Variants in FGF12 observed in about 807,000 individuals in gnomAD.
FGF12 encodes the protein fibroblast growth factor 12.
FGF12 carries 14 observed loss-of-function variants against 23.6 expected under a neutral mutation model. The ratio of observed to expected loss-of-function variants is 0.59; its 90% CI spans 0.39 to 0.93. FGF12 has a LOEUF of 0.93. Among genes scored for constraint, FGF12 ranks in the 40% least tolerant of loss-of-function variants. The probability of loss-of-function intolerance (pLI) is 0.00; values close to 1 mark genes in which losing one functional copy is unlikely to be tolerated. For missense variants in FGF12, 175 were observed against 217.8 expected (o/e 0.80, Z 1.24); for synonymous variants, 62 against 77.3 (o/e 0.80, Z 1.04).
intron 4 of FGF12, among the ~76,000 whole-genome samples, chr3:192,236,565 T>C (rs1001245265): frequency 6.6e-6 from 1 of 152,230 alleles, no homozygotes; most frequent in East Asian, 1.9e-4. Flanking sequence ...ATATTTAGTA[T>C]AGTTTTCATG....
intron 2 of FGF12, among the ~76,000 whole-genome samples, chr3:192,371,283 G>T (rs1294436094): frequency 1.3e-5 from 2 of 152,206 alleles, no homozygotes; most frequent in African/African-American, 4.8e-5. Context: ...GGAAAGTCGC[G>T]TGGCAGCACA....
At chr3:192,310,656 G>A (rs1715885387) in intron 4 of FGF12, among the ~76,000 whole-genome samples, 1 of 152,092 alleles carries the variant, frequency 6.6e-6, no homozygotes, top group Non-Finnish European at 1.5e-5. Context: ...AGGACAGAAA[G>A]TAAAAATCTG....
intron 2 of FGF12, among the ~76,000 whole-genome samples, chr3:192,390,291 A>G (rs11921664): frequency 5.4e-4 from 82 of 152,312 alleles, no homozygotes; most frequent in African/African-American, 1.9e-3. Flanking sequence ...CTCAAATGCC[A>G]TACTCAGAGT....
intron 2 of FGF12, chr3:192,726,968 G>A: frequency 3.2e-6 from 2 of 617,114 alleles, no homozygotes; most frequent in Non-Finnish European, 5.7e-6. Context: ...CTACGCAACT[G>A]ATGGAGTATT....
chr3:192,609,397 T>G (rs1319488903), intron 2 of FGF12, among the ~76,000 whole-genome samples: 2 of 152,082 alleles, frequency 1.3e-5, no homozygotes, highest in African/African-American at 4.8e-5. Flanking sequence ...CTTATAGTGC[T>G]GGGAAGCACC....
intron 4 of FGF12, among the ~76,000 whole-genome samples, chr3:192,274,574 GA>G (rs1461505335): frequency 1.4e-5 from 2 of 146,204 alleles, no homozygotes; most frequent in African/African-American, 2.5e-5. Flanking sequence ...GAGGAAGAGA[GA>G]GGAGAGAGAA....
chr3:192,356,860 T>C (rs906966515), intron 3 of FGF12, among the ~76,000 whole-genome samples: 7 of 152,210 alleles, frequency 4.6e-5, no homozygotes, highest in Admixed American at 2.6e-4. Context: ...ATGAAACAAA[T>C]GAGTAGAATT....
chr3:192,715,152 A>G (rs898452018), intron 2 of FGF12, among the ~76,000 whole-genome samples: 3 of 152,202 alleles, frequency 2.0e-5, no homozygotes, highest in African/African-American at 7.2e-5. Context: ...AGACCTAGGA[A>G]TCTAATTTTT....
chr3:192,594,933 G>A (rs562732779), intron 2 of FGF12, among the ~76,000 whole-genome samples: 48 of 148,596 alleles, frequency 3.2e-4, no homozygotes, highest in Middle Eastern at 3.4e-3. Flanking sequence ...CTCTAGTGAT[G>A]CAATATTGTT....
intron 2 of FGF12, among the ~76,000 whole-genome samples, chr3:192,419,740 C>A (rs1721462848): frequency 6.6e-6 from 1 of 152,090 alleles, no homozygotes; most frequent in South Asian, 2.1e-4. Flanking sequence ...AACAATGAAA[C>A]TGATTGCTGG....
At chr3:192,415,354 TTG>T (rs1721315417) in intron 2 of FGF12, among the ~76,000 whole-genome samples, 1 of 152,134 alleles carries the variant, frequency 6.6e-6, no homozygotes, top group African/African-American at 2.4e-5. Context: ...ATTGTCTATT[TTG>T]TTTACTTTCT....
chr3:192,351,943 G>A (rs1718237312), intron 3 of FGF12, among the ~76,000 whole-genome samples: 1 of 152,138 alleles, frequency 6.6e-6, no homozygotes, highest in Non-Finnish European at 1.5e-5. Context: ...GATTGGCAAA[G>A]ACATCGCAAG....
chr3:192,602,869 C>T (rs570929337), intron 2 of FGF12, among the ~76,000 whole-genome samples: 5 of 152,006 alleles, frequency 3.3e-5, no homozygotes, highest in South Asian at 2.1e-4. Context: ...TCCTAGGAGG[C>T]AACGTTGGTT....
intron 2 of FGF12, among the ~76,000 whole-genome samples, chr3:192,476,358 G>A (rs924868403): frequency 6.6e-6 from 1 of 152,054 alleles, no homozygotes; most frequent in African/African-American, 2.4e-5. Flanking sequence ...ACAAAAAAGT[G>A]GCAGAATCTA....
At chr3:192,654,875 C>G (rs1045557808) in intron 2 of FGF12, among the ~76,000 whole-genome samples, 4 of 152,052 alleles carry the variant, frequency 2.6e-5, no homozygotes, top group Non-Finnish European at 5.9e-5. Flanking sequence ...AGCTAATCAG[C>G]CACTTCTGAC....
intron 2 of FGF12, among the ~76,000 whole-genome samples, chr3:192,569,910 A>T (rs1010636958): frequency 1.3e-5 from 2 of 152,226 alleles, no homozygotes. Context: ...TTGGGGAAGA[A>T]CAGGACTAAG....
intron 2 of FGF12, among the ~76,000 whole-genome samples, chr3:192,375,992 C>A (rs148963147): frequency 0.011 from 1,705 of 152,130 alleles, 40 homozygotes; most frequent in African/African-American, 0.039. Flanking sequence ...ATAATATTCC[C>A]AGGTGTGGAT....
chr3:192,171,197 G>A (rs1360187467), intron 4 of FGF12, among the ~76,000 whole-genome samples: 1 of 151,764 alleles, frequency 6.6e-6, no homozygotes, highest in Non-Finnish European at 1.5e-5. Context: ...TTTTTCCTTA[G>A]TAATCAAAAT....
At chr3:192,288,342 C>T (rs1459308355) in intron 4 of FGF12, among the ~76,000 whole-genome samples, 1 of 151,988 alleles carries the variant, frequency 6.6e-6, no homozygotes, top group Non-Finnish European at 1.5e-5. Flanking sequence ...AGCTGAAGCA[C>T]AATTACATAA....
Sources: gnomAD v4.1 joint callset for allele counts (sites outside exome capture counted in the v4.1 genomes callset) on GRCh38, gnomAD v4.1.1 for gene constraint, MANE v1.5 for transcripts, NCBI Gene and HGNC (gene_info 2026-07-23, HGNC 2026-07-21) for gene names.